Variants in AXIN2 observed in about 807,000 individuals in gnomAD.
AXIN2 encodes axin-2.
A neutral mutation model predicts 74.7 loss-of-function variants in AXIN2; 21 were observed. That is an observed-to-expected ratio of 0.28 (90% CI 0.20 to 0.40). AXIN2 has a LOEUF of 0.40. Ranked by LOEUF, AXIN2 falls within the 10% of genes least tolerant of loss-of-function variation. The pLI, the probability that AXIN2 is intolerant of heterozygous loss-of-function variation, is 1.00. For synonymous variants in AXIN2, 532 were observed against 454.9 expected (o/e 1.17, Z -2.16); for missense variants, 1,144 against 1,111.1 (o/e 1.03, Z -0.42).
At chr17:65,560,333 C>G (rs1252365604) in intron 1 of AXIN2, 1 of 149,868 alleles carries the variant, frequency 6.7e-6, no homozygotes, top group South Asian at 2.2e-4. Context: ...TCCGCCAGCG[C>G]TGTGGGCCCC....
chr17:65,543,003 GTCTA>G, intron 3 of AXIN2, among the ~76,000 whole-genome samples: 1 of 152,328 alleles, frequency 6.6e-6, no homozygotes, highest in East Asian at 1.9e-4. Context: ...TTTTCAGGAA[GTCTA>G]CTGACCTAGG....
intron 5 of AXIN2, 117 bp downstream of exon 5, chr17:65,538,086 C>G (rs746163039): frequency 6.4e-7 from 1 of 1,557,420 alleles, no homozygotes; most frequent in South Asian, 1.2e-5. Flanking sequence ...AGCCCACGCG[C>G]ATGCGCATGC....
rs148419444 is a variant in AXIN2, at chr17:65,536,513, G to A, written c.1948C>T (p.Arg650Cys). ...TKKAYPLESA[R>C]SSPGERASRH... ...CTGGCTCGTTCGCCTGGAGACGAGC[G>A]GGCAGACTCCAAGGGGTAGGCCTTT... Residue 650 changes from arginine to cysteine, a missense_variant, in exon 8 of 11, where the codon CGC (arginine) becomes TGC (cysteine). Arg to Cys is a radical substitution (Grantham distance 180). Transcript: ENST00000307078. 3.6e-5 allele frequency: 58 copies of A among 1,613,740 alleles called. 1 individual carries two copies. In the African/African-American group the frequency reaches 3.7e-4, roughly 10 times the overall value.
rs1029503084 is a variant in AXIN2 at position 65,529,765 on chromosome 17, C to T, written c.*211G>A. On this transcript the variant is annotated 3_prime_UTR_variant, in exon 11 of 11. Coordinates refer to ENST00000307078, the MANE Select transcript of AXIN2 (RefSeq NM_004655.4). ...TCATGTTTTTAATAAATAGTTCAGG[C>T]TTTTCTTATCTCAGTCAGTACCCAG... 3 of 690,546 alleles carry T rather than the reference C, an allele frequency of 4.3e-6. No homozygotes were observed. Among genetic ancestry groups the T allele is most frequent in the Admixed American group, 2.7e-5 (1 of 36,454 alleles). The allele number at this position is 690,546 out of a possible 1,614,324, so 42.8% of individuals were successfully genotyped here. A position where few individuals can be genotyped will look rare whatever the true frequency, so the allele number is the denominator to read the frequency against.
chr17:65,550,124 TG>T, intron 2 of AXIN2, among the ~76,000 whole-genome samples: 1 of 152,340 alleles, frequency 6.6e-6, no homozygotes, highest in East Asian at 1.9e-4. Context: ...ACTCCTTGTC[TG>T]GGGTCTGTTA....
chr17:65,551,351 G>A (rs1028100160), intron 2 of AXIN2, among the ~76,000 whole-genome samples: 4 of 152,090 alleles, frequency 2.6e-5, no homozygotes, highest in African/African-American at 9.7e-5. Context: ...ACTAGGGAGA[G>A]AGAGGGGTCT....
At chr17:65,556,203 C>T (rs1163472731) in intron 2 of AXIN2, among the ~76,000 whole-genome samples, 3 of 152,140 alleles carry the variant, frequency 2.0e-5, no homozygotes, top group African/African-American at 4.8e-5. Context: ...GTGCTATTTA[C>T]GAAGGTGACA....
At chr17:65,556,613 AAC>A (rs1011511839) in intron 2 of AXIN2, among the ~76,000 whole-genome samples, 2 of 152,080 alleles carry the variant, frequency 1.3e-5, no homozygotes, top group African/African-American at 4.8e-5. Context: ...TCTCCTCGCC[AAC>A]AGTCAACTCT....
Position 65,558,675 on chromosome 17 carries a change from C to T in AXIN2, c.-55G>A. 5.2e-6 allele frequency: 8 copies of T among 1,542,284 alleles called. No individual in the cohort carries two copies. The highest frequency in any genetic ancestry group is 7.0e-6 in the Non-Finnish European group (8 of 1,142,008). On this transcript the variant is annotated 5_prime_UTR_variant, in exon 2 of 11. Coordinates refer to ENST00000307078, the MANE Select transcript of AXIN2 (RefSeq NM_004655.4). The stretch of plus-strand genomic sequence containing the variant: ...GAATTTTTCTTCTTCCAGTTCCTCT[C>T]AGCAATCGGCGTGGTCTCTCTGTCT...
rs376829389 is a variant in AXIN2, at chr17:65,549,552, C to G, written c.924G>C (p.Thr308=). The stretch of plus-strand genomic sequence containing the variant: ...TGTCCGTCATGGACATGGAATCATC[C>G]GTCAGCGCATCACTGGATATCTCAC... ...NDSEISSDAL[T]DDSMSMTDSS... is the part of the protein sequence containing the mutation. Residue 308 remains threonine (T), a synonymous_variant, in exon 3 of 11, where the codon ACG becomes ACC. Transcript: ENST00000307078. The G allele has an allele frequency of 6.2e-7, 1 of 1,611,598 alleles. No individual in the cohort carries two copies. Among genetic ancestry groups the G allele is most frequent in the African/African-American group, 1.3e-5 (1 of 74,868 alleles).
intron 4 of AXIN2, among the ~76,000 whole-genome samples, chr17:65,540,182 A>G (rs1267181581): frequency 6.6e-6 from 1 of 152,260 alleles, no homozygotes; most frequent in Non-Finnish European, 1.5e-5. Flanking sequence ...ATCACTGACT[A>G]AAATGACTTG....
Position 65,537,495 on chromosome 17 carries a change from A to T in AXIN2, c.1541T>A (p.Val514Asp). 6.2e-7 allele frequency: 1 copy of T among 1,613,768 alleles called. No homozygotes were observed. Among genetic ancestry groups the T allele is most frequent in the Non-Finnish European group, 8.5e-7 (1 of 1,179,986 alleles). Residue 514 changes from valine (V) to aspartate (D), a missense_variant, in exon 6 of 11, where the codon GTC becomes GAC. By Grantham distance (152) the Val-to-Asp change is radical (BLOSUM62 -3). Coordinates refer to ENST00000307078, the MANE Select transcript of AXIN2 (RefSeq NM_004655.4). Reference protein sequence around the residue: ...GFVTKQTTKHVHHHYIHHHAV... With the variant: ...GFVTKQTTKHDHHHYIHHHAV... ...ATGGTGGTGGATGTAGTGGTGGTGG[A>T]CATGCTTCGTCGTCTGCTTGGTCAC...
chr17:65,553,907 C>T (rs917740120), intron 2 of AXIN2, among the ~76,000 whole-genome samples: 2 of 150,356 alleles, frequency 1.3e-5, no homozygotes, highest in African/African-American at 4.9e-5. Context: ...TGCTTTATTT[C>T]CTCAGGACTG....
chr17:65,533,770 A>G, intron 10 of AXIN2, 142 bp downstream of exon 10: 1 of 962,142 alleles, frequency 1.0e-6, no homozygotes. Context: ...AAGAAATGAG[A>G]AGGGAGCCTC....
chr17:65,546,127 C>CACTGGCCATTGTG (rs2044115376), intron 3 of AXIN2, among the ~76,000 whole-genome samples: 1 of 151,214 alleles, frequency 6.6e-6, no homozygotes, highest in Non-Finnish European at 1.5e-5. Context: ...TCACAGCCCG[C>CACTGGCCATTGTG]ACTGGCCATT....
intron 2 of AXIN2, 81 bp downstream of exon 2, chr17:65,557,725 A>ACACCCATC (rs574040746): frequency 1.4e-6 from 2 of 1,403,924 alleles, no homozygotes; most frequent in Non-Finnish European, 2.0e-6. Flanking sequence ...TCTCTGCAGC[A>ACACCCATC]CACCCATCCA....
At chr17:65,549,694 G>A (rs1016031014) in intron 2 of AXIN2, 34 bp from the exon 3 acceptor site, 6 of 1,574,442 alleles carry the variant, frequency 3.8e-6, no homozygotes, top group Non-Finnish European at 5.2e-6. Flanking sequence ...TTCAGTCACT[G>A]ACCCTCACCA....
At chr17:65,553,543 C>T (rs183720278) in intron 2 of AXIN2, among the ~76,000 whole-genome samples, 28 of 152,302 alleles carry the variant, frequency 1.8e-4, no homozygotes, top group African/African-American at 6.0e-4. Flanking sequence ...TGTGCTCACA[C>T]GGCTTTGCAC....
rs976214591 is a variant in AXIN2 at position 65,537,539 on chromosome 17, G to A, written c.1497C>T (p.Leu499=). 19 of 1,613,196 alleles carry A rather than the reference G, an allele frequency of 1.2e-5. No homozygotes were observed. The highest frequency in any genetic ancestry group is 1.4e-5 in the Non-Finnish European group (16 of 1,179,808). The stretch of plus-strand genomic sequence containing the variant: ...TGGTCACAAAGCCTTTGCCCCCGAG[G>A]AGGGGGCAGGCGCCCGGCGAGGCGG... The part of the protein sequence containing the change: ...PAAASPGACP[L]LGGKGFVTKQ... Residue 499 remains leucine, a synonymous_variant, in exon 6 of 11, where the codon CTC becomes CTT. Coordinates refer to ENST00000307078, the MANE Select transcript of AXIN2 (RefSeq NM_004655.4).
Sources: gnomAD v4.1 joint callset for allele counts (sites outside exome capture counted in the v4.1 genomes callset) on GRCh38, gnomAD v4.1.1 for gene constraint, MANE v1.5 for transcripts, NCBI Gene and HGNC (gene_info 2026-07-23, HGNC 2026-07-21) for gene names.